Variants in ATP9B observed in about 807,000 individuals in gnomAD.
The protein encoded by ATP9B is ATPase phospholipid transporting 9B.
ATP9B carries 110 observed loss-of-function variants against 146.1 expected under a neutral mutation model. The ratio of observed to expected loss-of-function variants is 0.75; its 90% CI spans 0.65 to 0.88. ATP9B has a LOEUF of 0.88. Among genes scored for constraint, ATP9B ranks in the 40% least tolerant of loss-of-function variants. The pLI, the probability that ATP9B is intolerant of heterozygous loss-of-function variation, is 0.00. For synonymous variants in ATP9B, 604 were observed against 569.7 expected (o/e 1.06, Z -0.86); for missense variants, 1,499 against 1,496.4 (o/e 1.00, Z -0.03).
intron 18 of ATP9B, 50 bp downstream of exon 18, chr18:79,336,761 C>G: frequency 3.8e-6 from 6 of 1,560,062 alleles, no homozygotes; most frequent in East Asian, 2.3e-5. Context: ...TCCTTCCTTA[C>G]GCTGAAATTA....
chr18:79,231,803 T>TATATATATATATATATATACACACAC (rs569726473), intron 11 of ATP9B, among the ~76,000 whole-genome samples: 5 of 114,756 alleles, frequency 4.4e-5, no homozygotes, highest in African/African-American at 1.7e-4. Context: ...TATATATATA[T>TATATATATATATATATATACACACAC]ACACACACAC....
intron 11 of ATP9B, among the ~76,000 whole-genome samples, chr18:79,248,431 A>G (rs2144935216): frequency 6.6e-6 from 1 of 152,324 alleles, no homozygotes; most frequent in East Asian, 1.9e-4. Flanking sequence ...TATTTGTTTC[A>G]AAGATACTTA....
intron 12 of ATP9B, among the ~76,000 whole-genome samples, chr18:79,275,980 A>G (rs746425258): frequency 4.6e-5 from 7 of 152,092 alleles, no homozygotes; most frequent in Non-Finnish European, 7.4e-5. Flanking sequence ...CCTAAAGACT[A>G]TTTTTCGAGT....
chr18:79,243,469 G>T (rs909900245), intron 11 of ATP9B, among the ~76,000 whole-genome samples: 1 of 152,212 alleles, frequency 6.6e-6, no homozygotes, highest in African/African-American at 2.4e-5. Context: ...TCTGGAGAAT[G>T]GGATGGAGAT....
chr18:79,322,943 G>C (rs549984262), intron 15 of ATP9B, among the ~76,000 whole-genome samples: 1 of 152,234 alleles, frequency 6.6e-6, no homozygotes, highest in African/African-American at 2.4e-5. Flanking sequence ...TATGTTTTAT[G>C]TCTTTTTTAA....
chr18:79,228,354 T>C (rs2095756195), intron 11 of ATP9B, among the ~76,000 whole-genome samples: 2 of 152,204 alleles, frequency 1.3e-5, no homozygotes, highest in African/African-American at 4.8e-5. Flanking sequence ...CAACATTCTT[T>C]ACATGGACTT....
chr18:79,260,503 G>A (rs2062183), intron 12 of ATP9B, among the ~76,000 whole-genome samples: 140,882 of 152,254 alleles, frequency 0.93, 65,242 homozygotes, highest in East Asian at 1. Context: ...GAAACCAGGA[G>A]TAGAGATGGG....
intron 13 of ATP9B, among the ~76,000 whole-genome samples, chr18:79,296,710 G>T (rs937923384): frequency 3.9e-5 from 6 of 152,152 alleles, no homozygotes; most frequent in Admixed American, 2.0e-4. Flanking sequence ...CATAAATTAG[G>T]CTCGTTATCA....
At chr18:79,131,234 C>A (rs2094372883) in intron 5 of ATP9B, among the ~76,000 whole-genome samples, 1 of 151,918 alleles carries the variant, frequency 6.6e-6, no homozygotes, top group African/African-American at 2.4e-5. Context: ...AGGGCATTAT[C>A]AAAAATGTAA....
chr18:79,158,199 C>G (rs2094824698), intron 7 of ATP9B, among the ~76,000 whole-genome samples: 1 of 152,204 alleles, frequency 6.6e-6, no homozygotes, highest in African/African-American at 2.4e-5. Context: ...CCATACATCT[C>G]AAAATTATTT....
intron 10 of ATP9B, among the ~76,000 whole-genome samples, chr18:79,210,623 G>A (rs2095575554): frequency 6.6e-6 from 1 of 152,202 alleles, no homozygotes; most frequent in Non-Finnish European, 1.5e-5. Context: ...CACTTGGTGC[G>A]TGGTTGGAGT....
chr18:79,178,535 A>T (rs552151060), intron 8 of ATP9B, among the ~76,000 whole-genome samples: 37 of 152,118 alleles, frequency 2.4e-4, no homozygotes, highest in African/African-American at 8.0e-4. Context: ...CAGGGTGAGG[A>T]AGTTCTTTCT....
chr18:79,104,860 C>T (rs754356892), intron 2 of ATP9B, among the ~76,000 whole-genome samples: 13 of 152,116 alleles, frequency 8.5e-5, no homozygotes, highest in Admixed American at 3.3e-4. Flanking sequence ...TCTTTCACCA[C>T]AGCCTCCCAA....
At chr18:79,144,580 G>A (rs1363098975) in intron 6 of ATP9B, among the ~76,000 whole-genome samples, 2 of 152,180 alleles carry the variant, frequency 1.3e-5, no homozygotes, top group Non-Finnish European at 2.9e-5. Flanking sequence ...GGTCATGCTC[G>A]CTTGCCCTCC....
rs139445862 is a variant in ATP9B at position 79,368,810 on chromosome 18, C to T, written c.3013-4015C>T. On this transcript the variant is annotated intron_variant, in intron 26 of 29. Transcript: ENST00000426216. ...GTAGGACCCTACCACCAGCATACTC[C>T]GTCGTTGGCACCCTCGTCGTTGGCA... is the stretch of plus-strand genomic sequence containing the variant. Among the ~76,000 whole-genome samples, 369 of 152,044 alleles carry T rather than the reference C, an allele frequency of 2.4e-3. 1 individual carries two copies. Among genetic ancestry groups the T allele is most frequent in the South Asian group, 6.5e-3 (31 of 4,804 alleles).
rs113642144 is a variant in ATP9B, at chr18:79,345,301, A to T, written c.2473-127A>T. 4.4e-3 allele frequency: 4,924 copies of T among 1,130,894 alleles called. 25 individuals are homozygous for T. The highest frequency in any genetic ancestry group is 0.023 in the African/African-American group (1,498 of 64,466). The allele number at this position is 1,130,894 out of a possible 1,614,324, so 70.1% of individuals were successfully genotyped here. A position where few individuals can be genotyped will look rare whatever the true frequency, so the allele number is the denominator to read the frequency against. On this transcript the variant is annotated intron_variant, in intron 21 of 29. Coordinates refer to ENST00000426216, the MANE Select transcript of ATP9B (RefSeq NM_198531.5). ...GAGTCCTGTGAAATGATTCACAGAAAACTGAAAAGATTGAGAACTGTGGCG... is the reference window on the plus strand; with the variant it reads ...GAGTCCTGTGAAATGATTCACAGAATACTGAAAAGATTGAGAACTGTGGCG...
chr18:79,312,134 G>T (rs928994433), intron 15 of ATP9B, among the ~76,000 whole-genome samples: 1 of 152,154 alleles, frequency 6.6e-6, no homozygotes, highest in African/African-American at 2.4e-5. Flanking sequence ...AGGTGCCTTC[G>T]CGGAGGTGCT....
intron 5 of ATP9B, among the ~76,000 whole-genome samples, chr18:79,136,758 A>T (rs1367891723): frequency 6.6e-6 from 1 of 152,218 alleles, no homozygotes; most frequent in Non-Finnish European, 1.5e-5. Context: ...TAATAAAGAC[A>T]TACCCAAGAC....
rs536122117 is a variant in ATP9B, at chr18:79,175,197, C to CAA, written c.779-1601_779-1600dup. 4.2e-4 allele frequency among the ~76,000 whole-genome samples: 24 copies of CAA among 57,336 alleles called. No homozygotes were observed. The East Asian group carries it at 5.7e-3, about 14-fold the overall frequency. The allele number at this position is 57,336 out of a possible 152,430, so 37.6% of individuals were successfully genotyped here. On this transcript the variant is annotated intron_variant, in intron 7 of 29. Coordinates refer to ENST00000426216, the MANE Select transcript of ATP9B (RefSeq NM_198531.5). ...GCCTGGCGACAGAGCGAGACTGTCT[C>CAA]AAAAAAAAAAAAAAAAGAAAAAAAA...
Sources: allele counts gnomAD v4.1 joint callset (sites outside exome capture counted in the v4.1 genomes callset), GRCh38; gene constraint gnomAD v4.1.1; transcripts MANE v1.5; gene names NCBI Gene and HGNC (gene_info 2026-07-23, HGNC 2026-07-21).